The following TINAG variants were observed in gnomAD, a reference collection of about 807,000 sequenced individuals.
TINAG encodes tubulointerstitial nephritis antigen.
Under a neutral mutation model 72.7 loss-of-function variants are expected in TINAG, and 83 were observed. That is an observed-to-expected ratio of 1.14 (90% CI 0.96 to 1.37). The LOEUF (loss-of-function observed/expected upper bound fraction) is 1.37, where lower values mean the gene tolerates loss of function less well. TINAG is among the 40% of genes most tolerant of loss of function. The probability of loss-of-function intolerance (pLI) is 0.00; values close to 1 mark genes in which losing one functional copy is unlikely to be tolerated. For missense variants in TINAG, 685 were observed against 576.6 expected, an observed-to-expected ratio of 1.19 and a Z score of -1.93; for synonymous variants, 234 against 189.9, an observed-to-expected ratio of 1.23 and a Z score of -1.91.
chr6:54,333,816 T>C (rs1784800142), intron 4 of TINAG, among the ~76,000 whole-genome samples: 2 of 152,148 alleles, frequency 1.3e-5, no homozygotes, highest in South Asian at 4.1e-4. Context: ...TATAGGAATA[T>C]TCATTATCAT....
intron 1 of TINAG, among the ~76,000 whole-genome samples, chr6:54,310,796 T>C (rs570452940): frequency 1.3e-5 from 2 of 149,952 alleles, no homozygotes; most frequent in East Asian, 2.0e-4. Flanking sequence ...TCTTTCTTTT[T>C]TCTCTCTCTC....
At position 54,381,541 on chromosome 6, in the gene TINAG, T is replaced by C. The variant is rs879665219; in HGVS notation, c.1296+970T>C. On this transcript the variant is annotated intron_variant, in intron 10 of 10. Coordinates refer to ENST00000259782, the MANE Select transcript of TINAG (RefSeq NM_014464.4). Reference sequence around the variant, plus strand: ...CTCACAGAATTCAATCACCCAATTATGTGTTCGTACCTTATATTTGTGTTG... The same window carrying C: ...CTCACAGAATTCAATCACCCAATTACGTGTTCGTACCTTATATTTGTGTTG... Among the ~76,000 whole-genome samples the C allele has an allele frequency of 1.8e-4, 27 of 152,184 alleles. 1 individual carries two copies. Among genetic ancestry groups the C allele is most frequent in the Non-Finnish European group, 2.6e-4 (18 of 67,954 alleles).
intron 9 of TINAG, among the ~76,000 whole-genome samples, chr6:54,372,560 G>A (rs1431247643): frequency 6.6e-6 from 1 of 151,790 alleles, no homozygotes; most frequent in Non-Finnish European, 1.5e-5. Flanking sequence ...CTATAAGGTG[G>A]CTTCTGACTT....
chr6:54,351,235 T>A, intron 7 of TINAG, 117 bp from the exon 8 acceptor site: 1 of 787,052 alleles, frequency 1.3e-6, no homozygotes, highest in Non-Finnish European at 2.1e-6. Context: ...ATAATATACG[T>A]GAGTTTTTCA....
rs147294668 is a variant in TINAG at position 54,358,156 on chromosome 6, G to A, written c.1250+3520G>A. Among the ~76,000 whole-genome samples, 299 of 151,784 alleles carry A rather than the reference G, an allele frequency of 2.0e-3. 3 individuals are homozygous for A. Among genetic ancestry groups the A allele is most frequent in the African/African-American group, 6.6e-3 (274 of 41,446 alleles). On this transcript the variant is annotated intron_variant, in intron 9 of 10. Coordinates refer to ENST00000259782, the MANE Select transcript of TINAG (RefSeq NM_014464.4). ...GTGTCTCCACCCAGTCTCTGGTCAG[G>A]TCTCACCTTCTTAATATGTCCTCCC...
At chr6:54,335,899 C>A (rs1411429868) in intron 4 of TINAG, among the ~76,000 whole-genome samples, 1 of 152,120 alleles carries the variant, frequency 6.6e-6, no homozygotes, top group South Asian at 2.1e-4. Flanking sequence ...TTCAAGCATG[C>A]TGAAAATTTC....
chr6:54,317,571 C>G (rs577641623), intron 1 of TINAG, among the ~76,000 whole-genome samples: 24 of 152,276 alleles, frequency 1.6e-4, no homozygotes, highest in African/African-American at 5.5e-4. Context: ...CCATGTGGAA[C>G]TGTGAGTCTA....
intron 6 of TINAG, among the ~76,000 whole-genome samples, chr6:54,349,246 A>T (rs1465408917): frequency 1.3e-5 from 2 of 151,964 alleles, no homozygotes; most frequent in Non-Finnish European, 2.9e-5. Flanking sequence ...AAATATACAA[A>T]CACAAAAACA....
intron 4 of TINAG, among the ~76,000 whole-genome samples, chr6:54,341,250 A>G (rs1033495266): frequency 6.6e-6 from 1 of 152,188 alleles, no homozygotes; most frequent in African/African-American, 2.4e-5. Flanking sequence ...TAAGATATGT[A>G]TATTTCTGCC....
chr6:54,329,314 A>G (rs1784682130), intron 4 of TINAG, among the ~76,000 whole-genome samples: 1 of 152,122 alleles, frequency 6.6e-6, no homozygotes, highest in African/African-American at 2.4e-5. Context: ...AGTGGGGGCC[A>G]ATATTCAACA....
chr6:54,358,592 A>C (rs1287574056), intron 9 of TINAG, among the ~76,000 whole-genome samples: 2 of 151,410 alleles, frequency 1.3e-5, no homozygotes, highest in Non-Finnish European at 2.9e-5. Flanking sequence ...GGCACTCTTC[A>C]GCTTCGATTC....
chr6:54,322,342 A>C (rs1318986482), intron 3 of TINAG, among the ~76,000 whole-genome samples: 2 of 150,564 alleles, frequency 1.3e-5, no homozygotes, highest in African/African-American at 5.0e-5. Flanking sequence ...ACAAAAAAAA[A>C]ACAAGAAACA....
At chr6:54,346,818 G>A (rs1785134504) in intron 5 of TINAG, among the ~76,000 whole-genome samples, 1 of 151,922 alleles carries the variant, frequency 6.6e-6, no homozygotes, top group Non-Finnish European at 1.5e-5. Flanking sequence ...CTTAAGTATG[G>A]TCTCCTGGGT....
intron 1 of TINAG, among the ~76,000 whole-genome samples, chr6:54,317,712 T>C (rs1784404709): frequency 6.6e-6 from 1 of 152,112 alleles, no homozygotes; most frequent in Non-Finnish European, 1.5e-5. Flanking sequence ...CTTTATAAAA[T>C]CTCTCCCTTA....
intron 8 of TINAG, 104 bp from the exon 9 acceptor site, chr6:54,354,409 A>G: frequency 9.5e-7 from 1 of 1,049,532 alleles, no homozygotes; most frequent in Non-Finnish European, 1.4e-6. Context: ...TCTTAGATTC[A>G]TCTCCTTGCA....
rs75011033 is a variant in TINAG at position 54,357,616 on chromosome 6, C to G, written c.1250+2980C>G. Among the ~76,000 whole-genome samples the G allele has an allele frequency of 2.9e-3, 443 of 151,964 alleles. 1 individual carries two copies. The highest frequency in any genetic ancestry group is 5.1e-3 in the Non-Finnish European group (347 of 67,888). ...GAAGCCTTGGAGTCATCCTTTATTC[C>G]TTTACTTCACAATTTACTTTCAATA... is the stretch of plus-strand genomic sequence containing the variant. On this transcript the variant is annotated intron_variant, in intron 9 of 10. Transcript: ENST00000259782.
intron 4 of TINAG, among the ~76,000 whole-genome samples, chr6:54,340,767 CTTG>C (rs920422185): frequency 3.3e-5 from 5 of 151,950 alleles, no homozygotes; most frequent in Non-Finnish European, 7.4e-5. Flanking sequence ...TGTCATTTTG[CTTG>C]TTGTTTCACT....
At chr6:54,354,388 A>T in intron 8 of TINAG, 125 bp from the exon 9 acceptor site, 1 of 854,030 alleles carries the variant, frequency 1.2e-6, no homozygotes, top group East Asian at 2.8e-5. Flanking sequence ...AGGCTGAATC[A>T]CACAGCCCCT....
chr6:54,353,405 G>A (rs1017600325), intron 8 of TINAG, among the ~76,000 whole-genome samples: 1 of 151,836 alleles, frequency 6.6e-6, no homozygotes, highest in Non-Finnish European at 1.5e-5. Flanking sequence ...GTCTCAGTAC[G>A]AAAGAGTGTA....
Sources: allele counts gnomAD v4.1 joint callset (sites outside exome capture counted in the v4.1 genomes callset), GRCh38; gene constraint gnomAD v4.1.1; transcripts MANE v1.5; gene names NCBI Gene and HGNC (gene_info 2026-07-23, HGNC 2026-07-21).